FHIT: variants seen among roughly 807,000 people sequenced by gnomAD.
FHIT encodes the protein bis(5'-adenosyl)-triphosphatase.
Under a neutral mutation model 17.9 loss-of-function variants are expected in FHIT, and 19 were observed. That is an observed-to-expected ratio of 1.06 (90% CI 0.74 to 1.56). FHIT has a LOEUF of 1.56. FHIT is among the 40% of genes most tolerant of loss of function. FHIT has a pLI of 0.00. For missense variants in FHIT, 248 were observed against 189.2 expected (o/e 1.31, Z -1.82); for synonymous variants, 81 against 69.7 (o/e 1.16, Z -0.81).
chr3:60,332,968 A>G (rs1409643830), intron 5 of FHIT, among the ~76,000 whole-genome samples: 1 of 152,210 alleles, frequency 6.6e-6, no homozygotes, highest in East Asian at 1.9e-4. Context: ...ATTTATTTAA[A>G]GAAAACTCCA....
At chr3:60,462,175 C>T (rs2032514769) in intron 5 of FHIT, among the ~76,000 whole-genome samples, 1 of 152,046 alleles carries the variant, frequency 6.6e-6, no homozygotes, top group African/African-American at 2.4e-5. Flanking sequence ...ATGATCATTA[C>T]ATCAAATATT....
chr3:59,832,070 C>A (rs1391043757), intron 8 of FHIT, among the ~76,000 whole-genome samples: 4 of 152,060 alleles, frequency 2.6e-5, no homozygotes, highest in African/African-American at 9.7e-5. Flanking sequence ...ATCCACTTGC[C>A]CCCCCATGAT....
At chr3:60,209,234 G>C (rs868692463) in intron 5 of FHIT, among the ~76,000 whole-genome samples, 70 of 152,028 alleles carry the variant, frequency 4.6e-4, no homozygotes, top group African/African-American at 1.6e-3. Context: ...CAAACTACTT[G>C]GTTTATTTAG....
In FHIT at chr3:60,177,740, C is replaced by T. The variant is rs576556759; in HGVS notation, c.104-163588G>A. Among the ~76,000 whole-genome samples, 5 of 152,322 alleles carry T rather than the reference C, an allele frequency of 3.3e-5. No homozygotes were observed. In the South Asian group the frequency reaches 8.3e-4, roughly 25 times the overall value. ...ATGCCAAACCTAGTGATATGATCAT[C>T]TACCTTTCAGGTTCAGCTAAAGAGT... On this transcript the variant is annotated intron_variant, in intron 5 of 9. Coordinates refer to ENST00000492590, the MANE Select transcript of FHIT (RefSeq NM_002012.4).
chr3:60,476,276 G>A (rs2033339997), intron 5 of FHIT, among the ~76,000 whole-genome samples: 2 of 152,174 alleles, frequency 1.3e-5, no homozygotes, highest in Non-Finnish European at 2.9e-5. Context: ...ACCACATGGA[G>A]AGACTGGAAC....
rs1295572476 is a variant in FHIT, at chr3:61,088,768, T to C, written c.-163-46669A>G. Among the ~76,000 whole-genome samples, 13 of 75,710 alleles carry C rather than the reference T, an allele frequency of 1.7e-4. No homozygotes were observed. In the East Asian group the frequency reaches 2.7e-3, roughly 15 times the overall value. 49.7% of individuals were successfully genotyped at this position (75,710 alleles called of 152,430 possible). On this transcript the variant is annotated intron_variant, in intron 2 of 9. Coordinates refer to ENST00000492590, the MANE Select transcript of FHIT (RefSeq NM_002012.4). ...ACGAATTTTTAGTGACCCAAAATGC[T>C]GGGAAGAACTACAAAATACAGTGAA...
intron 4 of FHIT, among the ~76,000 whole-genome samples, chr3:60,559,278 T>TAAAA (rs2036849100): frequency 6.6e-6 from 1 of 152,160 alleles, no homozygotes; most frequent in Non-Finnish European, 1.5e-5. Flanking sequence ...GAGGCATGCA[T>TAAAA]TTCTATAAAA....
intron 4 of FHIT, among the ~76,000 whole-genome samples, chr3:60,670,616 A>G (rs369384613): frequency 1.2e-3 from 178 of 152,342 alleles, no homozygotes; most frequent in African/African-American, 4.1e-3. Context: ...AAAATGAGCT[A>G]TCAAAGGCTT....
intron 7 of FHIT, among the ~76,000 whole-genome samples, chr3:59,965,917 C>T (rs17061540): frequency 0.019 from 2,905 of 152,200 alleles, 98 homozygotes; most frequent in African/African-American, 0.067. Context: ...AACTGATGAC[C>T]AAGACAGACT....
At position 60,789,618 on chromosome 3, in the gene FHIT, G is replaced by A. The variant is rs373585868; in HGVS notation, c.-18+32301C>T. On this transcript the variant is annotated intron_variant, in intron 4 of 9. Coordinates refer to ENST00000492590, the MANE Select transcript of FHIT (RefSeq NM_002012.4). Reference sequence around the variant, plus strand: ...TCAGGTCTGTATGGTGGGCAGCAATGTAAATTTAAGCTTCTCTGACATCTA... The same window carrying A: ...TCAGGTCTGTATGGTGGGCAGCAATATAAATTTAAGCTTCTCTGACATCTA... Among the ~76,000 whole-genome samples, 6 of 152,220 alleles carry A rather than the reference G, an allele frequency of 3.9e-5. No individual in the cohort carries two copies. In the East Asian group the frequency reaches 1.2e-3, roughly 29 times the overall value.
rs114130695 is a variant in FHIT, at chr3:60,151,627, C to A, written c.104-137475G>T. Among the ~76,000 whole-genome samples, 284 of 152,250 alleles carry A rather than the reference C, an allele frequency of 1.9e-3. 1 individual carries two copies. The highest frequency in any genetic ancestry group is 6.4e-3 in the African/African-American group (265 of 41,548). On this transcript the variant is annotated intron_variant, in intron 5 of 9. Coordinates refer to ENST00000492590, the MANE Select transcript of FHIT (RefSeq NM_002012.4). ...AATCCCAATTCCTACCACTCTCCCT[C>A]TCTCTCACAAAGCTTCAGCCCCACT...
At chr3:60,574,204 C>A (rs1431632654) in intron 4 of FHIT, among the ~76,000 whole-genome samples, 1 of 152,070 alleles carries the variant, frequency 6.6e-6, no homozygotes, top group Non-Finnish European at 1.5e-5. Context: ...AGTTTGGAAG[C>A]TTTTCAAGAC....
intron 7 of FHIT, among the ~76,000 whole-genome samples, chr3:59,984,825 C>G (rs1177817036): frequency 1.3e-5 from 2 of 152,072 alleles, no homozygotes; most frequent in Non-Finnish European, 2.9e-5. Flanking sequence ...CTGGGCGGGG[C>G]AGGGGCAGAT....
chr3:59,858,242 T>C (rs1287336977), intron 8 of FHIT, among the ~76,000 whole-genome samples: 16 of 109,194 alleles, frequency 1.5e-4, no homozygotes, highest in Non-Finnish European at 2.6e-4. Flanking sequence ...CCTTCTTTTT[T>C]TTTTTTTTTT....
At chr3:60,170,585 T>C (rs1701373793) in intron 5 of FHIT, among the ~76,000 whole-genome samples, 1 of 152,136 alleles carries the variant, frequency 6.6e-6, no homozygotes, top group African/African-American at 2.4e-5. Flanking sequence ...CAAATTATTG[T>C]TCAATAATTT....
intron 5 of FHIT, among the ~76,000 whole-genome samples, chr3:60,095,018 A>T (rs1269217504): frequency 1.3e-5 from 2 of 152,220 alleles, no homozygotes; most frequent in Non-Finnish European, 2.9e-5. Context: ...GTTTTACATA[A>T]TTAAGGGGTG....
intron 4 of FHIT, among the ~76,000 whole-genome samples, chr3:60,738,143 T>C (rs547305966): frequency 2.0e-4 from 31 of 152,258 alleles, no homozygotes; most frequent in African/African-American, 7.0e-4. Context: ...GAACATGTGA[T>C]GTGTGTTGAA....
At chr3:59,754,922 T>TAATC (rs994794753) in intron 8 of FHIT, among the ~76,000 whole-genome samples, 1 of 152,012 alleles carries the variant, frequency 6.6e-6, no homozygotes, top group Admixed American at 6.6e-5. Flanking sequence ...TTGCCCACTG[T>TAATC]AATCATCTAG....
chr3:60,096,516 G>A (rs1188710394), intron 5 of FHIT, among the ~76,000 whole-genome samples: 1 of 152,178 alleles, frequency 6.6e-6, no homozygotes, highest in East Asian at 1.9e-4. Flanking sequence ...TGGTCTTTCA[G>A]CCTTCAGGCT....
Sources: allele counts gnomAD v4.1 joint callset (sites outside exome capture counted in the v4.1 genomes callset), GRCh38; gene constraint gnomAD v4.1.1; transcripts MANE v1.5; gene names NCBI Gene and HGNC (gene_info 2026-07-23, HGNC 2026-07-21).